Variants in GALNT2 observed in about 807,000 individuals in gnomAD.
The protein encoded by GALNT2 is polypeptide N-acetylgalactosaminyltransferase 2.
GALNT2 carries 31 observed loss-of-function variants against 81.4 expected under a neutral mutation model. That is an observed-to-expected ratio of 0.38 (90% CI 0.29 to 0.51). GALNT2 has a LOEUF of 0.51. Among genes scored for constraint, GALNT2 ranks in the 20% least tolerant of loss-of-function variants. GALNT2 has a pLI of 0.87. For synonymous variants in GALNT2, 303 were observed against 287.4 expected (o/e 1.05, Z -0.55); for missense variants, 629 against 765.7 (o/e 0.82, Z 2.11).
At chr1:230,245,957 C>A in intron 7 of GALNT2, 106 bp from the exon 8 acceptor site, 1 of 891,998 alleles carries the variant, frequency 1.1e-6, no homozygotes, top group East Asian at 2.4e-5. Context: ...GTAGTAAGGG[C>A]CAGTTGGGTT....
intron 1 of GALNT2, among the ~76,000 whole-genome samples, chr1:230,160,345 C>T (rs571638557): frequency 8.5e-5 from 13 of 152,258 alleles, no homozygotes; most frequent in South Asian, 4.1e-4. Flanking sequence ...GGGCGTTGGA[C>T]GTGGCCAGGA....
intron 2 of GALNT2, among the ~76,000 whole-genome samples, chr1:230,196,176 C>A (rs1439411495): frequency 2.6e-5 from 4 of 152,238 alleles, no homozygotes; most frequent in Non-Finnish European, 5.9e-5. Context: ...CCCCTCACCT[C>A]CTGCCTGCCG....
intron 1 of GALNT2, among the ~76,000 whole-genome samples, chr1:230,175,590 G>A (rs1291408907): frequency 2.2e-4 from 8 of 37,202 alleles, no homozygotes; most frequent in African/African-American, 1.6e-3. Context: ...TCCCCTCCTC[G>A]TCCCCTCCTC....
chr1:230,138,497 C>T (rs1661623642), intron 1 of GALNT2, among the ~76,000 whole-genome samples: 1 of 149,518 alleles, frequency 6.7e-6, no homozygotes, highest in Non-Finnish European at 1.5e-5. Flanking sequence ...TGCACCCCAG[C>T]CTGGGCGATG....
intron 2 of GALNT2, among the ~76,000 whole-genome samples, chr1:230,190,345 G>A (rs1663480929): frequency 6.6e-6 from 1 of 152,236 alleles, no homozygotes; most frequent in Non-Finnish European, 1.5e-5. Flanking sequence ...GGTCTCCTCT[G>A]CATGGGATGC....
rs560548302 is a variant in GALNT2 at position 230,114,610 on chromosome 1, G to T, written c.126+47204G>T. The stretch of plus-strand genomic sequence containing the variant: ...AGCAGGTAGACATTCCCTTGACCTC[G>T]TAAGTCCTGGATGCCACCCGGCGAA... On this transcript the variant is annotated intron_variant, in intron 1 of 15. Transcript: ENST00000366672. Among the ~76,000 whole-genome samples, 6 of 152,310 alleles carry T rather than the reference G, an allele frequency of 3.9e-5. No homozygotes were observed. The South Asian group carries it at 1.2e-3, about 32-fold the overall frequency.
intron 1 of GALNT2, among the ~76,000 whole-genome samples, chr1:230,074,317 G>A (rs928326171): frequency 2.6e-5 from 4 of 152,192 alleles, no homozygotes; most frequent in South Asian, 2.1e-4. Flanking sequence ...GGGCTCAAGC[G>A]GTCCTCCTGC....
chr1:230,160,103 C>G (rs1662385363), intron 1 of GALNT2, among the ~76,000 whole-genome samples: 1 of 152,230 alleles, frequency 6.6e-6, no homozygotes, highest in Non-Finnish European at 1.5e-5. Context: ...CCACCATCAT[C>G]TCATAGTCCT....
At chr1:230,276,372 C>G (rs1666308941) in intron 15 of GALNT2, among the ~76,000 whole-genome samples, 1 of 151,986 alleles carries the variant, frequency 6.6e-6, no homozygotes. Context: ...GAGTGCCTGC[C>G]CCTGTTCTTA....
At chr1:230,210,250 A>G (rs1664195419) in intron 3 of GALNT2, among the ~76,000 whole-genome samples, 1 of 152,238 alleles carries the variant, frequency 6.6e-6, no homozygotes, top group East Asian at 1.9e-4. Flanking sequence ...GACAGTTTAC[A>G]TTGAAATTAT....
intron 1 of GALNT2, among the ~76,000 whole-genome samples, chr1:230,141,880 C>T (rs872237): frequency 0.16 from 22,380 of 143,282 alleles, 1,778 homozygotes; most frequent in East Asian, 0.24. Flanking sequence ...CAGCATCAAA[C>T]GCCTGGGCTT....
intron 1 of GALNT2, among the ~76,000 whole-genome samples, chr1:230,111,254 TGTGCACAC>T (rs993346545): frequency 5.6e-5 from 6 of 106,606 alleles, no homozygotes; most frequent in Non-Finnish European, 1.1e-4. Flanking sequence ...CATACTAATT[TGTGCACAC>T]GTGCACACTG....
At chr1:230,129,002 C>A (rs868659353) in intron 1 of GALNT2, among the ~76,000 whole-genome samples, 2 of 152,226 alleles carry the variant, frequency 1.3e-5, no homozygotes, top group Admixed American at 1.3e-4. Context: ...GAAGCCCCCG[C>A]GACACTTGTG....
At chr1:230,241,879 A>G (rs1665212373) in intron 6 of GALNT2, among the ~76,000 whole-genome samples, 1 of 152,180 alleles carries the variant, frequency 6.6e-6, no homozygotes, top group Non-Finnish European at 1.5e-5. Flanking sequence ...CAAATTCCAA[A>G]CTTTGTTTTC....
chr1:230,109,852 A>T (rs1440539880), intron 1 of GALNT2, among the ~76,000 whole-genome samples: 1 of 152,046 alleles, frequency 6.6e-6, no homozygotes, highest in African/African-American at 2.4e-5. Flanking sequence ...AAAAGAAGGA[A>T]CACTGTTAGG....
rs1395309817 is a variant in GALNT2 at position 230,275,512 on chromosome 1, A to G, written c.1560+948A>G. ...ATATACACACACACACCACAGATACATACATATATATACATGCCACATAGA... is the reference window on the plus strand; with the variant it reads ...ATATACACACACACACCACAGATACGTACATATATATACATGCCACATAGA... On this transcript the variant is annotated intron_variant, in intron 15 of 15. Transcript: ENST00000366672. The surrounding 1 kb of genome is among the most constrained non-coding windows in gnomAD (Gnocchi z 5.5). Among the ~76,000 whole-genome samples, 1 of 151,006 alleles carries G rather than the reference A, an allele frequency of 6.6e-6. No individual in the cohort carries two copies. Among genetic ancestry groups the G allele is most frequent in the Non-Finnish European group, 1.5e-5 (1 of 67,760 alleles).
chr1:230,144,669 G>T (rs1256856244), intron 1 of GALNT2, among the ~76,000 whole-genome samples: 1 of 152,112 alleles, frequency 6.6e-6, no homozygotes, highest in Non-Finnish European at 1.5e-5. Flanking sequence ...GGAGTTAGGG[G>T]TGGTAGTGGT....
At chr1:230,139,614 A>G (rs1443242356) in intron 1 of GALNT2, among the ~76,000 whole-genome samples, 1 of 152,244 alleles carries the variant, frequency 6.6e-6, no homozygotes, top group Non-Finnish European at 1.5e-5. Flanking sequence ...AACAGCTAGA[A>G]TTGTAAGAAA....
intron 2 of GALNT2, among the ~76,000 whole-genome samples, chr1:230,200,868 G>A (rs920281914): frequency 1.3e-5 from 2 of 152,208 alleles, no homozygotes; most frequent in Non-Finnish European, 2.9e-5. Flanking sequence ...TCAAAGTTCC[G>A]TGGTGCAGGG....
Sources: allele counts gnomAD v4.1 joint callset (sites outside exome capture counted in the v4.1 genomes callset), GRCh38; gene constraint gnomAD v4.1.1; non-coding constraint Gnocchi (gnomAD v3.1); transcripts MANE v1.5; gene names NCBI Gene and HGNC (gene_info 2026-07-23, HGNC 2026-07-21).